The following OCIAD1 variants were observed in gnomAD, a reference collection of about 807,000 sequenced individuals.
The protein encoded by OCIAD1 is OCIA domain-containing protein 1.
OCIAD1 carries 29 observed loss-of-function variants against 38.9 expected under a neutral mutation model. The ratio of observed to expected loss-of-function variants is 0.74; its 90% CI spans 0.55 to 1.02. The LOEUF (loss-of-function observed/expected upper bound fraction) is 1.02, where lower values mean the gene tolerates loss of function less well. Ranked by LOEUF, OCIAD1 falls within the 50% of genes least tolerant of loss-of-function variation. The pLI is 0.00. For missense variants in OCIAD1, 288 were observed against 289.6 expected (o/e 0.99, Z 0.04); for synonymous variants, 110 against 92.0 (o/e 1.20, Z -1.12).
At chr4:48,840,571 T>C (rs1392071978) in intron 3 of OCIAD1, among the ~76,000 whole-genome samples, 1 of 152,250 alleles carries the variant, frequency 6.6e-6, no homozygotes, top group Admixed American at 6.5e-5. Flanking sequence ...ATGAAATCTG[T>C]AATAATTCAA....
rs773466855 is a variant in OCIAD1 at position 48,851,969 on chromosome 4, G to A, written c.541G>A (p.Val181Ile). 19 of 1,599,834 alleles carry A rather than the reference G, an allele frequency of 1.2e-5. No homozygotes were observed. Among genetic ancestry groups the A allele is most frequent in the Non-Finnish European group, 1.6e-5 (19 of 1,173,444 alleles). Residue 181 changes from valine (V) to isoleucine (I), a missense_variant, in exon 7 of 9, where the codon GTC becomes ATC. By Grantham distance (29) the Val-to-Ile change is conservative. Coordinates refer to ENST00000264312, the MANE Select transcript of OCIAD1 (RefSeq NM_017830.4). ...SAPTGITDHI[V>I]QGPDPNLEES... ...TCCCACTGGTATTACTGATCATATTGTCCAAGGTAGAAACTTCTCTTGAAA... is the reference window on the plus strand; with the variant it reads ...TCCCACTGGTATTACTGATCATATTATCCAAGGTAGAAACTTCTCTTGAAA...
chr4:48,850,363 G>T (rs1435692205), intron 6 of OCIAD1, among the ~76,000 whole-genome samples: 1 of 152,138 alleles, frequency 6.6e-6, no homozygotes, highest in East Asian at 1.9e-4. Flanking sequence ...GGTTCACAAG[G>T]CCCCACTGCC....
At position 48,832,660 on chromosome 4, in the gene OCIAD1, A is replaced by G. The variant is rs767632018; in HGVS notation, c.36A>G (p.Ala12=). 2.2e-5 allele frequency: 35 copies of G among 1,612,712 alleles called. No homozygotes were observed. In the Admixed American group the frequency reaches 5.5e-4, roughly 25 times the overall value. The change falls in exon 2 of 9, where the codon GCA becomes GCG. Residue 12 remains alanine (A), a synonymous_variant. Transcript: ENST00000264312. ...NGRADFREPN[A]EVPRPIPHIG... ...GGGCTGATTTTCGAGAGCCGAATGC[A>G]GAGGTTCCAAGACCAATTCCCCGTA...
intron 2 of OCIAD1, 148 bp downstream of exon 2, chr4:48,832,830 T>C: frequency 3.0e-6 from 2 of 663,306 alleles, no homozygotes; most frequent in Middle Eastern, 2.6e-4. Flanking sequence ...TCTTGTTATC[T>C]TGAAATTCAT....
At chr4:48,812,564 A>G (rs1333866897) in intron 1 of OCIAD1, among the ~76,000 whole-genome samples, 1 of 152,102 alleles carries the variant, frequency 6.6e-6, no homozygotes, top group South Asian at 2.1e-4. Flanking sequence ...TAAAGGAGTG[A>G]TTGACTGTCA....
At chr4:48,812,859 T>C (rs1777104857) in intron 1 of OCIAD1, among the ~76,000 whole-genome samples, 2 of 152,204 alleles carry the variant, frequency 1.3e-5, no homozygotes, top group Admixed American at 1.3e-4. Context: ...CATAAGCTGA[T>C]GGGAATTTTC....
At chr4:48,832,725 GTAA>G in intron 2 of OCIAD1, 43 bp downstream of exon 2, 1 of 1,469,774 alleles carries the variant, frequency 6.8e-7, no homozygotes, top group Non-Finnish European at 9.5e-7. Context: ...CACTTCCTAT[GTAA>G]AGGAATTTTC....
chr4:48,819,715 G>GAAAAAAAAAAAAAA (rs1175145705), intron 1 of OCIAD1, among the ~76,000 whole-genome samples: 1 of 13,296 alleles, frequency 7.5e-5, no homozygotes, highest in Non-Finnish European at 1.6e-4. Flanking sequence ...TTTACCAAGC[G>GAAAAAAAAAAAAAA]CAAAAAAAAA....
chr4:48,810,646 C>T (rs992468550), intron 1 of OCIAD1, among the ~76,000 whole-genome samples: 7 of 151,772 alleles, frequency 4.6e-5, no homozygotes, highest in Non-Finnish European at 8.8e-5. Context: ...AGCACCTGAG[C>T]GTCAGGCACT....
chr4:48,824,109 G>T (rs1416979501), intron 1 of OCIAD1, among the ~76,000 whole-genome samples: 1 of 151,974 alleles, frequency 6.6e-6, no homozygotes, highest in Non-Finnish European at 1.5e-5. Context: ...CTCCTGAATA[G>T]CTGGGACTAC....
chr4:48,821,212 C>A (rs538094306), intron 1 of OCIAD1, among the ~76,000 whole-genome samples: 1 of 152,102 alleles, frequency 6.6e-6, no homozygotes, highest in Admixed American at 6.6e-5. Context: ...ACGATCAAGT[C>A]GACTTTATGC....
chr4:48,847,261 G>GT (rs763299101), intron 4 of OCIAD1, among the ~76,000 whole-genome samples: 6 of 152,094 alleles, frequency 3.9e-5, no homozygotes, highest in Non-Finnish European at 8.8e-5. Context: ...TGAAGTATCT[G>GT]TTTAAGTCTG....
At chr4:48,834,181 GTTTTT>G (rs920563669) in intron 3 of OCIAD1, among the ~76,000 whole-genome samples, 10 of 151,674 alleles carry the variant, frequency 6.6e-5, no homozygotes, top group African/African-American at 2.4e-4. Context: ...TTTTGTTTTT[GTTTTT>G]TTGAGATGGA....
intron 5 of OCIAD1, among the ~76,000 whole-genome samples, chr4:48,849,548 T>A (rs1329881969): frequency 1.3e-5 from 2 of 152,182 alleles, no homozygotes; most frequent in Non-Finnish European, 2.9e-5. Context: ...TATAGGAAAA[T>A]AATGGCCTAA....
intron 1 of OCIAD1, among the ~76,000 whole-genome samples, chr4:48,825,408 T>G (rs1273673253): frequency 6.6e-6 from 1 of 152,226 alleles, no homozygotes; most frequent in Admixed American, 6.5e-5. Flanking sequence ...ATGAATATCT[T>G]CAGCAGCCCC....
At chr4:48,832,760 A>G (rs1777628527) in intron 2 of OCIAD1, 78 bp downstream of exon 2, 6 of 1,080,966 alleles carry the variant, frequency 5.6e-6, no homozygotes. Context: ...TAACAGTGGC[A>G]GGTGGGCTGG....
intron 3 of OCIAD1, chr4:48,837,137 A>AT (rs1003768391): frequency 1.5e-4 from 22 of 148,470 alleles, no homozygotes; most frequent in Non-Finnish European, 2.5e-4. Flanking sequence ...ATACCTGGCT[A>AT]TTTTTTTTTG....
At position 48,831,199 on chromosome 4, in the gene OCIAD1, G is replaced by A; in HGVS notation, c.-56G>A. The A allele has an allele frequency of 3.0e-6, 1 of 336,102 alleles. No individual in the cohort carries two copies. The highest frequency in any genetic ancestry group is 2.2e-5 in the South Asian group (1 of 44,642). The allele number at this position is 336,102 out of a possible 1,614,324, so 20.8% of individuals were successfully genotyped here. On this transcript the variant is annotated 5_prime_UTR_variant, in exon 1 of 9. Coordinates refer to ENST00000264312, the MANE Select transcript of OCIAD1 (RefSeq NM_017830.4). Reference sequence around the variant, plus strand: ...CTCGAGTCCACCCTCCGGGCCTTCTGCCCCTGATCGCTTGGTTTTCCTTGC... The same window carrying A: ...CTCGAGTCCACCCTCCGGGCCTTCTACCCCTGATCGCTTGGTTTTCCTTGC...
In OCIAD1 at chr4:48,852,045, C is replaced by G. The variant is rs148075905; in HGVS notation, c.547+70C>G. 731 of 1,135,194 alleles carry G rather than the reference C, an allele frequency of 6.4e-4. 1 individual carries two copies. Among genetic ancestry groups the G allele is most frequent in the Non-Finnish European group, 8.4e-4 (662 of 789,954 alleles). 70.3% of individuals were successfully genotyped at this position (1,135,194 alleles called of 1,614,324 possible). A position where few individuals can be genotyped will look rare whatever the true frequency, so the allele number is the denominator to read the frequency against. On this transcript the variant is annotated intron_variant, in intron 7 of 8. Transcript: ENST00000264312. The stretch of plus-strand genomic sequence containing the variant: ...CGTATGTATAAACTTTATTTGATGA[C>G]CTTTTCTGCTGGATATCACCTGTGT...
Sources: gnomAD v4.1 joint callset for allele counts (sites outside exome capture counted in the v4.1 genomes callset) on GRCh38, gnomAD v4.1.1 for gene constraint, MANE v1.5 for transcripts, NCBI Gene and HGNC (gene_info 2026-07-23, HGNC 2026-07-21) for gene names.